ZFHX3: variants seen among roughly 807,000 people sequenced by gnomAD.
ZFHX3 encodes zinc finger homeobox protein 3.
In ZFHX3, 42 loss-of-function variants were observed where a neutral mutation model predicts 279.1. The observed-to-expected ratio is 0.15, with a 90% CI of 0.12 to 0.19. ZFHX3 has a LOEUF of 0.19. ZFHX3 is among the 10% of genes least tolerant of loss of function. ZFHX3 has a pLI of 1.00. For synonymous variants in ZFHX3, 2,293 were observed against 1,957.8 expected, an observed-to-expected ratio of 1.17 and a Z score of -4.52; for missense variants, 4,981 against 4,754.0, an observed-to-expected ratio of 1.05 and a Z score of -1.40.
At chr16:72,901,451 C>T (rs577739335) in intron 3 of ZFHX3, among the ~76,000 whole-genome samples, 3 of 152,286 alleles carry the variant, frequency 2.0e-5, no homozygotes, top group Non-Finnish European at 4.4e-5. Flanking sequence ...CGGCGCAACA[C>T]AAGCAGGAGG....
At chr16:73,012,147 G>C (rs570356743) in intron 1 of ZFHX3, among the ~76,000 whole-genome samples, 1 of 152,200 alleles carries the variant, frequency 6.6e-6, no homozygotes, top group African/African-American at 2.4e-5. Flanking sequence ...TGCCAACTGA[G>C]AACTTGATCT....
At chr16:73,411,842 G>T in intron 3 of ZFHX3, among the ~76,000 whole-genome samples, 1 of 152,106 alleles carries the variant, frequency 6.6e-6, no homozygotes, top group Non-Finnish European at 1.5e-5. Context: ...AATTTCTATG[G>T]CCTGCCTGTC....
intron 1 of ZFHX3, among the ~76,000 whole-genome samples, chr16:72,978,192 C>G (rs905323798): frequency 1.3e-5 from 2 of 152,170 alleles, no homozygotes; most frequent in African/African-American, 4.8e-5. Flanking sequence ...CTAAGGAACT[C>G]TTTCCCGAGC....
chr16:73,308,224 C>CATATAT (rs56199536), intron 4 of ZFHX3, among the ~76,000 whole-genome samples: 19 of 108,694 alleles, frequency 1.7e-4, no homozygotes, highest in Admixed American at 2.2e-4. Context: ...CATATGCATG[C>CATATAT]ATATATATAT....
chr16:73,415,449 G>C (rs1436971678), intron 3 of ZFHX3, among the ~76,000 whole-genome samples: 1 of 152,210 alleles, frequency 6.6e-6, no homozygotes, highest in Non-Finnish European at 1.5e-5. Flanking sequence ...TAATGAAACA[G>C]ATGGTGGAAA....
intron 2 of ZFHX3, chr16:73,487,395 C>A (rs1567498922): frequency 2.4e-6 from 1 of 422,702 alleles, no homozygotes; most frequent in Non-Finnish European, 4.7e-6. Flanking sequence ...TCACACCTCT[C>A]TGTATCTATG....
chr16:73,287,283 G>C (rs1416362456), intron 4 of ZFHX3, among the ~76,000 whole-genome samples: 2 of 145,186 alleles, frequency 1.4e-5, no homozygotes, highest in African/African-American at 5.1e-5. Flanking sequence ...GGGTGTGTGG[G>C]TCAGTGTGTG....
At chr16:72,822,626 G>A (rs145469486) in intron 5 of ZFHX3, among the ~76,000 whole-genome samples, 23 of 152,190 alleles carry the variant, frequency 1.5e-4, no homozygotes, top group African/African-American at 5.5e-4. Context: ...GATTAACATG[G>A]CCACTCTGTA....
intron 3 of ZFHX3, among the ~76,000 whole-genome samples, chr16:73,365,045 C>G (rs545147940): frequency 3.3e-4 from 50 of 152,318 alleles, no homozygotes; most frequent in African/African-American, 1.2e-3. Context: ...TCTCCCCCCA[C>G]CCAGGCATGT....
At chr16:73,041,338 A>G (rs926082436) in intron 1 of ZFHX3, among the ~76,000 whole-genome samples, 3 of 149,154 alleles carry the variant, frequency 2.0e-5, no homozygotes, top group Non-Finnish European at 4.4e-5. Context: ...GCTTTCCCCA[A>G]ATATACCTCT....
intron 1 of ZFHX3, among the ~76,000 whole-genome samples, chr16:73,791,444 G>C (rs1332183198): frequency 1.3e-5 from 2 of 151,310 alleles, no homozygotes; most frequent in African/African-American, 4.9e-5. Context: ...AATTTTTTTT[G>C]AGATGGAGTC....
chr16:72,845,835 G>C (rs1349791875), intron 4 of ZFHX3, among the ~76,000 whole-genome samples: 4 of 152,224 alleles, frequency 2.6e-5, no homozygotes, highest in African/African-American at 9.6e-5. Context: ...AGCTGAAGTA[G>C]ATAGTATTAG....
chr16:73,806,308 G>A (rs1273212435), intron 1 of ZFHX3, among the ~76,000 whole-genome samples: 1 of 152,212 alleles, frequency 6.6e-6, no homozygotes, highest in Non-Finnish European at 1.5e-5. Context: ...GCAAGAGCAA[G>A]TGCAAAGGCC....
chr16:73,784,806 T>TACACACACACACACAC (rs1567409723), intron 1 of ZFHX3, among the ~76,000 whole-genome samples: 1 of 121,736 alleles, frequency 8.2e-6, no homozygotes, highest in African/African-American at 4.2e-5. Flanking sequence ...AATATATATA[T>TACACACACACACACAC]ATATATATAT....
intron 2 of ZFHX3, among the ~76,000 whole-genome samples, chr16:73,676,066 A>C (rs2052951116): frequency 6.6e-6 from 1 of 152,098 alleles, no homozygotes; most frequent in Non-Finnish European, 1.5e-5. Flanking sequence ...TAAGAGATTT[A>C]AAAATAACTA....
intron 2 of ZFHX3, chr16:73,500,022 A>G (rs915164574): frequency 1.3e-5 from 2 of 152,228 alleles, no homozygotes; most frequent in Non-Finnish European, 2.9e-5. Context: ...GGTAATAGTG[A>G]CTATGTTACT....
intron 5 of ZFHX3, among the ~76,000 whole-genome samples, chr16:73,170,714 A>T (rs748954790): frequency 4.6e-5 from 7 of 152,166 alleles, no homozygotes; most frequent in Non-Finnish European, 1.0e-4. Flanking sequence ...AGGTGGGAAA[A>T]GCTGGACAAA....
chr16:73,590,808 G>C (rs1338789887), intron 2 of ZFHX3, among the ~76,000 whole-genome samples: 1 of 152,098 alleles, frequency 6.6e-6, no homozygotes, highest in East Asian at 1.9e-4. Flanking sequence ...ATGGATCAAG[G>C]TCATGATCAC....
intron 4 of ZFHX3, among the ~76,000 whole-genome samples, chr16:72,882,830 C>T (rs1298943851): frequency 6.6e-6 from 1 of 152,138 alleles, no homozygotes; most frequent in East Asian, 1.9e-4. Context: ...TTCCCTGACT[C>T]TGGCTTCATT....
Sources: allele counts gnomAD v4.1 joint callset (sites outside exome capture counted in the v4.1 genomes callset), GRCh38; gene constraint gnomAD v4.1.1; transcripts MANE v1.5; gene names NCBI Gene and HGNC (gene_info 2026-07-23, HGNC 2026-07-21).